ALPL: variants seen among roughly 807,000 people sequenced by gnomAD.
The protein encoded by ALPL is alkaline phosphatase, tissue-nonspecific isozyme.
In ALPL, 42 loss-of-function variants were observed where a neutral mutation model predicts 51.3. The ratio of observed to expected loss-of-function variants is 0.82; its 90% CI spans 0.64 to 1.06. The LOEUF is 1.06. Among genes scored for constraint, ALPL ranks in the 50% least tolerant of loss-of-function variants. ALPL has a pLI of 0.00. For missense variants in ALPL, 589 were observed against 709.4 expected (o/e 0.83, Z 1.93); for synonymous variants, 279 against 296.4 (o/e 0.94, Z 0.60).
At chr1:21,510,094 G>A (rs901474171) in intron 1 of ALPL, among the ~76,000 whole-genome samples, 9 of 152,164 alleles carry the variant, frequency 5.9e-5, no homozygotes, top group African/African-American at 1.7e-4. Context: ...GTGTCAAAGT[G>A]TGGGCACCCA....
At chr1:21,571,031 C>T (rs1644640195) in intron 8 of ALPL, among the ~76,000 whole-genome samples, 1 of 152,210 alleles carries the variant, frequency 6.6e-6, no homozygotes. Flanking sequence ...CTGGTGGGTC[C>T]TCCAGACACA....
intron 1 of ALPL, among the ~76,000 whole-genome samples, chr1:21,529,803 C>G (rs1644004225): frequency 6.6e-6 from 1 of 151,486 alleles, no homozygotes; most frequent in African/African-American, 2.4e-5. Flanking sequence ...GACAGGGTCT[C>G]CACTGTTGCC....
chr1:21,559,881 C>T (rs1000165234), intron 2 of ALPL, among the ~76,000 whole-genome samples: 3 of 152,178 alleles, frequency 2.0e-5, no homozygotes, highest in Non-Finnish European at 4.4e-5. Flanking sequence ...TGGACACACA[C>T]ACACATGAGA....
intron 1 of ALPL, among the ~76,000 whole-genome samples, chr1:21,510,162 G>A (rs1643654021): frequency 6.6e-6 from 1 of 152,228 alleles, no homozygotes; most frequent in East Asian, 1.9e-4. Context: ...GAAGGAGCCT[G>A]CCGCCCCCTT....
chr1:21,544,572 G>A (rs1361947528), intron 1 of ALPL, among the ~76,000 whole-genome samples: 6 of 151,516 alleles, frequency 4.0e-5, no homozygotes, highest in Non-Finnish European at 7.4e-5. Flanking sequence ...GTGAAACCCC[G>A]TCTCTACTAA....
chr1:21,553,530 C>T (rs1166294386), intron 1 of ALPL, among the ~76,000 whole-genome samples: 1 of 152,184 alleles, frequency 6.6e-6, no homozygotes, highest in Non-Finnish European at 1.5e-5. Context: ...AAGGTGTGGT[C>T]CGCAAAGCAG....
At chr1:21,538,893 G>A (rs995776665) in intron 1 of ALPL, among the ~76,000 whole-genome samples, 3 of 152,196 alleles carry the variant, frequency 2.0e-5, no homozygotes, top group Admixed American at 6.5e-5. Flanking sequence ...TTCTCTTGCT[G>A]TGTGACCTCT....
intron 1 of ALPL, among the ~76,000 whole-genome samples, chr1:21,523,276 G>A (rs577913498): frequency 9.2e-5 from 14 of 152,298 alleles, no homozygotes; most frequent in African/African-American, 3.4e-4. Flanking sequence ...TCCAGACTGG[G>A]CGACAGAGCG....
intron 1 of ALPL, among the ~76,000 whole-genome samples, chr1:21,515,142 T>C (rs1260065535): frequency 6.6e-6 from 1 of 152,184 alleles, no homozygotes; most frequent in Non-Finnish European, 1.5e-5. Flanking sequence ...TGGCCAGGTC[T>C]GCAAACTGCT....
intron 2 of ALPL, among the ~76,000 whole-genome samples, chr1:21,555,797 GTCTC>G (rs1644405346): frequency 6.6e-6 from 1 of 151,374 alleles, no homozygotes; most frequent in Non-Finnish European, 1.5e-5. Context: ...TTGAGACAGT[GTCTC>G]TCTCTGTCGC....
chr1:21,538,547 C>T (rs1310163322), intron 1 of ALPL, among the ~76,000 whole-genome samples: 1 of 152,190 alleles, frequency 6.6e-6, no homozygotes, highest in Admixed American at 6.5e-5. Flanking sequence ...GTTCATTGTC[C>T]CTTTTCCCAC....
chr1:21,529,799 G>A (rs1032705849), intron 1 of ALPL, among the ~76,000 whole-genome samples: 2 of 151,298 alleles, frequency 1.3e-5, no homozygotes, highest in African/African-American at 4.9e-5. Flanking sequence ...TTGAGACAGG[G>A]TCTCCACTGT....
At chr1:21,550,675 A>T (rs1419690325) in intron 1 of ALPL, among the ~76,000 whole-genome samples, 1 of 152,066 alleles carries the variant, frequency 6.6e-6, no homozygotes, top group Non-Finnish European at 1.5e-5. Context: ...GAACCGCACC[A>T]GCACCCCAGC....
At chr1:21,553,066 T>C (rs201904344) in intron 1 of ALPL, among the ~76,000 whole-genome samples, 1 of 19,152 alleles carries the variant, frequency 5.2e-5, no homozygotes, top group Non-Finnish European at 1.6e-4. Flanking sequence ...CTTGGAAAAT[T>C]CAAAAAAATA....
At chr1:21,518,246 G>T (rs1345977160) in intron 1 of ALPL, among the ~76,000 whole-genome samples, 1 of 152,030 alleles carries the variant, frequency 6.6e-6, no homozygotes, top group African/African-American at 2.4e-5. Flanking sequence ...CTCCTGGAAA[G>T]AGTTAGGCCT....
chr1:21,573,117 G>A (rs921065188), intron 8 of ALPL, among the ~76,000 whole-genome samples: 4 of 152,178 alleles, frequency 2.6e-5, no homozygotes, highest in Non-Finnish European at 5.9e-5. Flanking sequence ...ATCCCACCGC[G>A]CCATAGTGGT....
rs75799678 is a variant in ALPL at position 21,569,372 on chromosome 1, T to C, written c.793-933T>C. 8.8e-3 allele frequency among the ~76,000 whole-genome samples: 1,334 copies of C among 152,290 alleles called. 30 individuals are homozygous for C. Among genetic ancestry groups the C allele is most frequent in the African/African-American group, 0.031 (1,271 of 41,558 alleles). On this transcript the variant is annotated intron_variant, in intron 7 of 11. Transcript: ENST00000374840. ...CACCATGGCCCCGAGCCTGGCCACA[T>C]TGGGTATCAGGTCCCGTGTAGGCCC...
In ALPL at chr1:21,564,132, AGACAACG is replaced by A; in HGVS notation, c.565_571del (p.Asp189ArgfsTer7). ...ACTCGGCTGACCGGGACTGGTACTC[AGACAACG>A]AGATGCCCCCTGAGGCCTTGAGCCA... On this transcript the variant is annotated frameshift_variant, in exon 6 of 12. Transcript: ENST00000374840. LOFTEE classifies it high-confidence loss of function. The surrounding 1 kb of genome is among the most constrained non-coding windows in gnomAD (Gnocchi z 5.8). 1.2e-6 allele frequency: 2 copies of A among 1,614,092 alleles called. No homozygotes were observed. The highest frequency in any genetic ancestry group is 1.7e-6 in the Non-Finnish European group (2 of 1,180,018).
Position 21,568,292 on chromosome 1 carries a change from G to T in ALPL, c.792+45G>T, listed in dbSNP as rs3738098. The T allele has an allele frequency of 0.094, 151,337 of 1,612,352 alleles. 13,038 individuals carry two copies. The highest frequency in any genetic ancestry group is 0.5 in the East Asian group (22,560 of 44,764). On this transcript the variant is annotated intron_variant, in intron 7 of 11. Coordinates refer to ENST00000374840, the MANE Select transcript of ALPL (RefSeq NM_000478.6). ...TGTGGCTGCAGAGGTGGCCTGTGAT[G>T]GGGAGAGGCTGTGTGACCCCTGCTC...
Sources: allele counts gnomAD v4.1 joint callset (sites outside exome capture counted in the v4.1 genomes callset), GRCh38; gene constraint gnomAD v4.1.1; non-coding constraint Gnocchi (gnomAD v3.1); transcripts MANE v1.5; gene names NCBI Gene and HGNC (gene_info 2026-07-23, HGNC 2026-07-21).